Variants in SLC35D2 observed in about 807,000 individuals in gnomAD.
SLC35D2 encodes nucleotide sugar transporter SLC35D2.
SLC35D2 carries 43 observed loss-of-function variants against 41.8 expected under a neutral mutation model. That is an observed-to-expected ratio of 1.03 (90% CI 0.81 to 1.33). The LOEUF (loss-of-function observed/expected upper bound fraction) is 1.33, where lower values mean the gene tolerates loss of function less well. SLC35D2 is among the 40% of genes most tolerant of loss of function. SLC35D2 has a pLI of 0.00. For synonymous variants in SLC35D2, 150 were observed against 163.9 expected (o/e 0.92, Z 0.65); for missense variants, 380 against 408.4 (o/e 0.93, Z 0.60).
chr9:96,381,987 G>A (rs965448098), intron 1 of SLC35D2, among the ~76,000 whole-genome samples: 19 of 152,102 alleles, frequency 1.2e-4, no homozygotes, highest in African/African-American at 3.9e-4. Context: ...AAAGTGTCTC[G>A]TTTATTCATG....
In SLC35D2 at chr9:96,321,129, A is replaced by C; in HGVS notation, c.*113T>G. On this transcript the variant is annotated 3_prime_UTR_variant, in exon 12 of 12. Coordinates refer to ENST00000253270, the MANE Select transcript of SLC35D2 (RefSeq NM_007001.3). The stretch of plus-strand genomic sequence containing the variant: ...CTCTTTGCATTTTGCAGATGCTCTC[A>C]CTTGCCCAGGGGGTGGATGTCACGA... The C allele has an allele frequency of 1.4e-6, 1 of 737,772 alleles. No homozygotes were observed. The highest frequency in any genetic ancestry group is 1.7e-5 in the South Asian group (1 of 58,900). 45.7% of individuals were successfully genotyped at this position (737,772 alleles called of 1,614,324 possible).
chr9:96,317,073 G>A (rs1255053611), downstream of SLC35D2, among the ~76,000 whole-genome samples: 1 of 151,858 alleles, frequency 6.6e-6, no homozygotes, highest in Admixed American at 6.6e-5. Flanking sequence ...GGAAGGCGGA[G>A]CTTGTAGTGA....
intron 8 of SLC35D2, among the ~76,000 whole-genome samples, chr9:96,338,901 A>G (rs1328632984): frequency 1.3e-5 from 2 of 152,206 alleles, no homozygotes; most frequent in African/African-American, 4.8e-5. Flanking sequence ...TGGGAATAAG[A>G]GAAATACTTA....
At chr9:96,349,629 G>A (rs1010691202) in intron 6 of SLC35D2, among the ~76,000 whole-genome samples, 6 of 151,996 alleles carry the variant, frequency 3.9e-5, no homozygotes, top group Non-Finnish European at 8.8e-5. Context: ...AGGTTCAAGC[G>A]ATTCTCCTAC....
chr9:96,343,768 C>A, intron 8 of SLC35D2, 136 bp downstream of exon 8: 1 of 536,086 alleles, frequency 1.9e-6, no homozygotes, highest in South Asian at 3.1e-5. Context: ...CTAGGGATAT[C>A]AAACATCTTG....
chr9:96,378,413 G>C (rs1456925823), intron 1 of SLC35D2, among the ~76,000 whole-genome samples: 1 of 151,772 alleles, frequency 6.6e-6, no homozygotes, highest in Non-Finnish European at 1.5e-5. Context: ...GGGTGACAGA[G>C]TAAGACCCTG....
At chr9:96,378,267 C>CT (rs1329313235) in intron 1 of SLC35D2, among the ~76,000 whole-genome samples, 2 of 145,420 alleles carry the variant, frequency 1.4e-5, no homozygotes, top group Admixed American at 1.4e-4. Flanking sequence ...GACTCCATCT[C>CT]TAAAAAAAAA....
Position 96,345,417 on chromosome 9 carries a change from C to G in SLC35D2, c.489-16G>C. 7.1e-7 allele frequency: 1 copy of G among 1,417,506 alleles called. No individual in the cohort carries two copies. The highest frequency in any genetic ancestry group is 1.8e-5 in the Admixed American group (1 of 56,728). The allele number at this position is 1,417,506 out of a possible 1,614,324, so 87.8% of individuals were successfully genotyped here. On this transcript the variant is annotated splice_polypyrimidine_tract_variant and intron_variant, in intron 6 of 11. Transcript: ENST00000253270. ...AAGGTCAGACCTGGGAGGGAGACCACAAAGGGAGAATGATTACTCAAAAAC... is the reference window on the plus strand; with the variant it reads ...AAGGTCAGACCTGGGAGGGAGACCAGAAAGGGAGAATGATTACTCAAAAAC...
At chr9:96,326,561 T>C (rs1030476784) in intron 9 of SLC35D2, among the ~76,000 whole-genome samples, 1 of 152,156 alleles carries the variant, frequency 6.6e-6, no homozygotes, top group Non-Finnish European at 1.5e-5. Context: ...CCCAGCAGTT[T>C]GGGAGGCCAA....
At chr9:96,366,373 T>C (rs749522638) in intron 2 of SLC35D2, among the ~76,000 whole-genome samples, 1 of 151,226 alleles carries the variant, frequency 6.6e-6, no homozygotes, top group African/African-American at 2.4e-5. Flanking sequence ...TTAAATGTAA[T>C]TCAGACTTTT....
At chr9:96,315,941 G>A (rs10990404), downstream of SLC35D2, among the ~76,000 whole-genome samples, 97,913 of 152,040 alleles carry the variant, frequency 0.64, 32,594 homozygotes, top group African/African-American at 0.82. Context: ...ACCAATGGAG[G>A]GTCTAACAAC....
Position 96,351,156 on chromosome 9 carries a change from G to T in SLC35D2, c.435C>A (p.Leu145=). 6.2e-7 allele frequency: 1 copy of T among 1,609,086 alleles called. No homozygotes were observed. The highest frequency in any genetic ancestry group is 1.1e-5 in the South Asian group (1 of 90,958). Residue 145 remains leucine, a synonymous_variant, in exon 6 of 12, where the codon CTC becomes CTA. Transcript: ENST00000253270. Reference sequence around the variant, plus strand: ...TGGCAAAGACACTGAGGATGATGTTGAGTGAATACTGCTTCCTGTAATAAA... The same window carrying T: ...TGGCAAAGACACTGAGGATGATGTTTAGTGAATACTGCTTCCTGTAATAAA... ...ETIILGKQYS[L]NIILSVFAII...
chr9:96,320,515 C>CAA (rs11332811), downstream of SLC35D2, among the ~76,000 whole-genome samples: 1 of 124,236 alleles, frequency 8.0e-6, no homozygotes, highest in Non-Finnish European at 1.8e-5. Flanking sequence ...GACTCTGTCT[C>CAA]AAAAAAAAAA....
At chr9:96,381,016 C>A (rs1004314441) in intron 1 of SLC35D2, among the ~76,000 whole-genome samples, 3 of 152,214 alleles carry the variant, frequency 2.0e-5, no homozygotes, top group African/African-American at 7.2e-5. Context: ...CTATGCCCTG[C>A]CCAGTCCACG....
At chr9:96,324,704 C>A (rs1828434964) in intron 9 of SLC35D2, among the ~76,000 whole-genome samples, 1 of 152,020 alleles carries the variant, frequency 6.6e-6, no homozygotes, top group South Asian at 2.1e-4. Flanking sequence ...AGGCTCATGC[C>A]GCCATACCCA....
At chr9:96,328,706 G>A (rs4512523) in intron 9 of SLC35D2, among the ~76,000 whole-genome samples, 20,267 of 152,080 alleles carry the variant, frequency 0.13, 1,803 homozygotes, top group East Asian at 0.29. Flanking sequence ...ACCGTTCCCT[G>A]CCCCAACAAA....
At chr9:96,365,892 C>T (rs1830453188) in intron 2 of SLC35D2, among the ~76,000 whole-genome samples, 1 of 152,108 alleles carries the variant, frequency 6.6e-6, no homozygotes, top group Non-Finnish European at 1.5e-5. Context: ...GATTATAATC[C>T]TATACCTTGC....
intron 11 of SLC35D2, among the ~76,000 whole-genome samples, chr9:96,321,705 T>G (rs1419474288): frequency 6.6e-6 from 1 of 152,102 alleles, no homozygotes; most frequent in East Asian, 1.9e-4. Context: ...GCACAAAGGT[T>G]AACACCCTCC....
chr9:96,341,533 A>C (rs898194304), intron 8 of SLC35D2, among the ~76,000 whole-genome samples: 1 of 152,200 alleles, frequency 6.6e-6, no homozygotes, highest in African/African-American at 2.4e-5. Flanking sequence ...TAGAAATAGT[A>C]ACAGGACCTT....
Sources: gnomAD v4.1 joint callset for allele counts (sites outside exome capture counted in the v4.1 genomes callset) on GRCh38, gnomAD v4.1.1 for gene constraint, MANE v1.5 for transcripts, NCBI Gene and HGNC (gene_info 2026-07-23, HGNC 2026-07-21) for gene names.